RNF217: variants seen among roughly 807,000 people sequenced by gnomAD.
RNF217 encodes the protein E3 ubiquitin-protein ligase RNF217.
A neutral mutation model predicts 57.8 loss-of-function variants in RNF217; 31 were observed. The observed-to-expected ratio is 0.54, with a 90% confidence interval of 0.40 to 0.72. The LOEUF is 0.72. Ranked by LOEUF, RNF217 falls within the 30% of genes least tolerant of loss-of-function variation. The pLI, the probability that RNF217 is intolerant of heterozygous loss-of-function variation, is 0.00. For synonymous variants in RNF217, 313 were observed against 294.0 expected (o/e 1.06, Z -0.66); for missense variants, 696 against 708.3 (o/e 0.98, Z 0.20).
intron 1 of RNF217, among the ~76,000 whole-genome samples, chr6:124,996,252 A>G (rs1233124698): frequency 6.6e-6 from 1 of 152,046 alleles, no homozygotes; most frequent in Non-Finnish European, 1.5e-5. Context: ...TGTGTTCATT[A>G]CCCTCATTTA....
chr6:125,051,407 A>G (rs1005774406), intron 2 of RNF217, among the ~76,000 whole-genome samples: 1 of 151,728 alleles, frequency 6.6e-6, no homozygotes, highest in African/African-American at 2.4e-5. Flanking sequence ...GATATTCTGA[A>G]AGAAGTGAAG....
chr6:125,003,361 GT>G (rs1370662594), intron 1 of RNF217, among the ~76,000 whole-genome samples: 3 of 151,960 alleles, frequency 2.0e-5, no homozygotes, highest in Non-Finnish European at 4.4e-5. Context: ...AGCACTGCTG[GT>G]TTTTGGTATG....
intron 1 of RNF217, among the ~76,000 whole-genome samples, chr6:125,035,262 C>G (rs568397969): frequency 1.2e-3 from 177 of 152,092 alleles, no homozygotes; most frequent in African/African-American, 4.0e-3. Context: ...GAGAGGGCAT[C>G]CCTGTCTTGT....
intron 3 of RNF217, among the ~76,000 whole-genome samples, chr6:125,066,709 A>C (rs1787949021): frequency 6.6e-6 from 1 of 152,026 alleles, no homozygotes; most frequent in South Asian, 2.1e-4. Flanking sequence ...ACTTAAAATA[A>C]TGAACATATT....
intron 4 of RNF217, among the ~76,000 whole-genome samples, chr6:125,079,234 C>T (rs1788485423): frequency 1.3e-5 from 2 of 152,034 alleles, no homozygotes; most frequent in Admixed American, 6.6e-5. Flanking sequence ...CCCAGTGAGG[C>T]GTGGGCAGAT....
At chr6:124,993,489 C>A (rs868842250) in intron 1 of RNF217, among the ~76,000 whole-genome samples, 5 of 152,156 alleles carry the variant, frequency 3.3e-5, no homozygotes, top group African/African-American at 1.2e-4. Flanking sequence ...AGAATAAGAT[C>A]ATTCCTCAGT....
intron 1 of RNF217, among the ~76,000 whole-genome samples, chr6:125,013,241 A>G (rs1014712355): frequency 2.6e-5 from 4 of 152,120 alleles, no homozygotes; most frequent in Non-Finnish European, 4.4e-5. Context: ...ACAAATATAC[A>G]TAACAGGACA....
At chr6:125,050,652 A>G (rs1296503331) in intron 2 of RNF217, among the ~76,000 whole-genome samples, 3 of 151,878 alleles carry the variant, frequency 2.0e-5, no homozygotes, top group South Asian at 2.1e-4. Flanking sequence ...ACTGTTTCCC[A>G]TATATAAGAA....
rs568173795 is a variant in RNF217, at chr6:125,007,323, G to A, written c.883-37888G>A. Reference sequence around the variant, plus strand: ...TGCAGTGGTGCGATCTCGGCTCACCGCAACCTCTGCCTCCTGGGTTCAAGC... The same window carrying A: ...TGCAGTGGTGCGATCTCGGCTCACCACAACCTCTGCCTCCTGGGTTCAAGC... On this transcript the variant is annotated intron_variant, in intron 1 of 5. Coordinates refer to ENST00000521654, the MANE Select transcript of RNF217 (RefSeq NM_001286398.3). Among the ~76,000 whole-genome samples, 536 of 149,906 alleles carry A rather than the reference G, an allele frequency of 3.6e-3. 2 individuals are homozygous for A. The highest frequency in any genetic ancestry group is 0.012 in the African/African-American group (504 of 40,908).
intron 1 of RNF217, among the ~76,000 whole-genome samples, chr6:125,006,953 A>G (rs986726813): frequency 7.9e-5 from 12 of 152,366 alleles, no homozygotes; most frequent in African/African-American, 2.6e-4. Context: ...CCATCTCAAA[A>G]AAGAAAAAAA....
intron 1 of RNF217, among the ~76,000 whole-genome samples, chr6:124,982,547 G>A (rs1357751260): frequency 6.6e-6 from 1 of 151,912 alleles, no homozygotes; most frequent in Non-Finnish European, 1.5e-5. Context: ...AAAAAAAAAG[G>A]ATTCCTGCAT....
intron 1 of RNF217, among the ~76,000 whole-genome samples, chr6:124,977,574 A>G (rs1474998731): frequency 6.6e-6 from 1 of 152,174 alleles, no homozygotes; most frequent in African/African-American, 2.4e-5. Context: ...CTCTGTTCTA[A>G]TATGCTTTTG....
chr6:125,067,230 G>A (rs1318642331), intron 3 of RNF217, among the ~76,000 whole-genome samples: 1 of 152,186 alleles, frequency 6.6e-6, no homozygotes, highest in Non-Finnish European at 1.5e-5. Flanking sequence ...AGTGGTGAGA[G>A]GTGGGGCTGG....
chr6:125,060,440 A>G (rs1418116193), intron 3 of RNF217, among the ~76,000 whole-genome samples: 2 of 151,856 alleles, frequency 1.3e-5, no homozygotes, highest in African/African-American at 2.4e-5. Context: ...TTTAGTAAAT[A>G]TTGTTATTTA....
At chr6:125,049,366 C>T (rs1005146209) in intron 2 of RNF217, among the ~76,000 whole-genome samples, 1 of 152,150 alleles carries the variant, frequency 6.6e-6, no homozygotes, top group East Asian at 1.9e-4. Flanking sequence ...AAGTTTACTT[C>T]ATTTACTGCT....
intron 1 of RNF217, among the ~76,000 whole-genome samples, chr6:125,027,284 C>T (rs1446274492): frequency 6.6e-6 from 1 of 152,078 alleles, no homozygotes; most frequent in Non-Finnish European, 1.5e-5. Flanking sequence ...ATTAACCATC[C>T]CTACCTCCCC....
At chr6:125,011,539 T>C (rs1425940554) in intron 1 of RNF217, among the ~76,000 whole-genome samples, 1 of 152,182 alleles carries the variant, frequency 6.6e-6, no homozygotes, top group East Asian at 1.9e-4. Context: ...ATTTTTGCCT[T>C]GTTAACAATT....
At chr6:125,042,338 A>G (rs1398493375) in intron 1 of RNF217, among the ~76,000 whole-genome samples, 2 of 152,118 alleles carry the variant, frequency 1.3e-5, no homozygotes, top group Admixed American at 1.3e-4. Flanking sequence ...TAAGAGACTC[A>G]TATCCATTGT....
chr6:125,028,788 T>C (rs971417166), intron 1 of RNF217, among the ~76,000 whole-genome samples: 1 of 152,122 alleles, frequency 6.6e-6, no homozygotes, highest in Non-Finnish European at 1.5e-5. Flanking sequence ...GTTTTACTTA[T>C]TATTTACTGT....
Sources: gnomAD v4.1 joint callset for allele counts (sites outside exome capture counted in the v4.1 genomes callset) on GRCh38, gnomAD v4.1.1 for gene constraint, MANE v1.5 for transcripts, NCBI Gene and HGNC (gene_info 2026-07-23, HGNC 2026-07-21) for gene names.